The following MYH9 variants were observed in gnomAD, a reference collection of about 807,000 sequenced individuals.
The protein encoded by MYH9 is myosin heavy chain 9.
MYH9 carries 29 observed loss-of-function variants against 241.9 expected under a neutral mutation model. The ratio of observed to expected loss-of-function variants is 0.12; its 90% CI spans 0.09 to 0.16. The LOEUF (loss-of-function observed/expected upper bound fraction) is 0.16. MYH9 is among the 10% of genes least tolerant of loss of function. MYH9 has a pLI of 1.00. For synonymous variants in MYH9, 1,047 were observed against 1,062.6 expected (o/e 0.99, Z 0.29); for missense variants, 1,803 against 2,595.5 (o/e 0.69, Z 6.63).
intron 7 of MYH9, 95 bp downstream of exon 7, chr22:36,321,663 G>A: frequency 8.4e-7 from 1 of 1,187,078 alleles, no homozygotes; most frequent in Non-Finnish European, 1.3e-6. Flanking sequence ...CCCATAAAGG[G>A]GAAAGTGCTG....
chr22:36,339,762 A>G (rs2017554365), intron 3 of MYH9, among the ~76,000 whole-genome samples: 1 of 152,218 alleles, frequency 6.6e-6, no homozygotes, highest in East Asian at 1.9e-4. Flanking sequence ...CTATCCATAC[A>G]AGATAGGAGA....
intron 1 of MYH9, among the ~76,000 whole-genome samples, chr22:36,354,049 T>C (rs1346455457): frequency 6.6e-6 from 1 of 152,056 alleles, no homozygotes; most frequent in African/African-American, 2.4e-5. Context: ...TACAGGCGTG[T>C]GCCACCACGC....
chr22:36,373,744 T>C (rs911774598), intron 1 of MYH9, among the ~76,000 whole-genome samples: 6 of 152,202 alleles, frequency 3.9e-5, no homozygotes, highest in African/African-American at 1.4e-4. Flanking sequence ...CTGGATACAT[T>C]TGCTGAATGA....
intron 1 of MYH9, among the ~76,000 whole-genome samples, chr22:36,360,769 AAT>A (rs1161802725): frequency 6.6e-6 from 1 of 152,054 alleles, no homozygotes; most frequent in African/African-American, 2.4e-5. Flanking sequence ...CCATCCCAGG[AAT>A]ATCCTGCAGG....
rs2016541463 is a variant in MYH9 at position 36,284,272 on chromosome 22, A to G, written c.5593-7T>C. On this transcript the variant is annotated splice_region_variant and splice_polypyrimidine_tract_variant and intron_variant, in intron 39 of 40. Transcript: ENST00000216181. ...GGGTAGATGCCTTGTCGGCCTGCGG[A>G]GATGGACGTGTGGCCCGTGGCCCCG... 16 of 1,608,852 alleles carry G rather than the reference A, an allele frequency of 9.9e-6. No individual in the cohort carries two copies. Among genetic ancestry groups the G allele is most frequent in the Non-Finnish European group, 1.3e-5 (15 of 1,179,014 alleles).
At chr22:36,307,755 G>A (rs1373180725) in intron 15 of MYH9, among the ~76,000 whole-genome samples, 10 of 152,126 alleles carry the variant, frequency 6.6e-5, no homozygotes, top group African/African-American at 2.4e-4. Context: ...GGGCGTGGTG[G>A]CGGGTGCCTG....
rs56134611 is a variant in MYH9, at chr22:36,282,587, G to A, written c.*81C>T. Reference sequence around the variant, plus strand: ...GTTCACAGCAGTCCCAAGAAGGTGGGGAGAGGCGTGCTGCGGGGTCTGGGA... The same window carrying A: ...GTTCACAGCAGTCCCAAGAAGGTGGAGAGAGGCGTGCTGCGGGGTCTGGGA... On this transcript the variant is annotated 3_prime_UTR_variant, in exon 41 of 41. Coordinates refer to ENST00000216181, the MANE Select transcript of MYH9 (RefSeq NM_002473.6). 6,734 of 1,277,640 alleles carry A rather than the reference G, an allele frequency of 5.3e-3. 61 individuals carry two copies. The highest frequency in any genetic ancestry group is 5.1e-3 in the Non-Finnish European group (4,521 of 880,024). 79.1% of individuals were successfully genotyped at this position (1,277,640 alleles called of 1,614,324 possible).
rs2016574861 is a variant in MYH9 at position 36,286,031 on chromosome 22, C to T, written c.5062-78G>A. On this transcript the variant is annotated intron_variant, in intron 35 of 40. Transcript: ENST00000216181. ...CATCCTTCCCAGCCCCAGGCACCCT[C>T]CCCTCAAGCCCTTCCCCAGGCCCAC... The T allele has an allele frequency of 3.3e-6, 5 of 1,513,716 alleles. No homozygotes were observed. The Admixed American group carries it at 8.6e-5, about 26-fold the overall frequency. The allele number at this position is 1,513,716 out of a possible 1,614,324, so 93.8% of individuals were successfully genotyped here.
intron 1 of MYH9, among the ~76,000 whole-genome samples, chr22:36,374,483 A>G (rs2018136230): frequency 6.6e-6 from 1 of 152,186 alleles, no homozygotes; most frequent in Non-Finnish European, 1.5e-5. Flanking sequence ...TTGTGACAGT[A>G]CACTCCAGCC....
At chr22:36,311,484 T>A (rs923742337) in intron 14 of MYH9, among the ~76,000 whole-genome samples, 7 of 152,052 alleles carry the variant, frequency 4.6e-5, no homozygotes, top group African/African-American at 1.4e-4. Flanking sequence ...GTAAACATCC[T>A]AGCATGCACA....
At chr22:36,294,391 G>C in intron 27 of MYH9, 93 bp from the exon 28 acceptor site, 2 of 1,384,814 alleles carry the variant, frequency 1.4e-6, no homozygotes, top group Non-Finnish European at 2.0e-6. Flanking sequence ...AGACATCGCT[G>C]CTTCTGCAGC....
At position 36,289,105 on chromosome 22, in the gene MYH9, T is replaced by C; in HGVS notation, c.4537A>G (p.Lys1513Glu). ...CTCACACTCTTGCCCACATCATCCT[T>C]GGAGCTCATAAGGTCCTCCATCTCC... Reference protein sequence around the residue: ...RTEMEDLMSSKDDVGKSVHEL... With the variant: ...RTEMEDLMSSEDDVGKSVHEL... The change falls in exon 32 of 41, where the codon AAG (lysine) becomes GAG (glutamate). Residue 1513 changes from lysine to glutamate, a missense_variant. Lys to Glu is a moderately conservative substitution (Grantham distance 56). Coordinates refer to ENST00000216181, the MANE Select transcript of MYH9 (RefSeq NM_002473.6). 6.2e-7 allele frequency: 1 copy of C among 1,614,096 alleles called. No homozygotes were observed. Among genetic ancestry groups the C allele is most frequent in the Non-Finnish European group, 8.5e-7 (1 of 1,180,014 alleles).
At chr22:36,283,570 C>T (rs1014202963) in intron 40 of MYH9, among the ~76,000 whole-genome samples, 2 of 149,896 alleles carry the variant, frequency 1.3e-5, no homozygotes, top group Admixed American at 6.6e-5. Flanking sequence ...AAAAAAAACA[C>T]GTAAACACAT....
At chr22:36,286,106 G>A (rs2016575820) in intron 35 of MYH9, 153 bp from the exon 36 acceptor site, 4 of 760,374 alleles carry the variant, frequency 5.3e-6, no homozygotes, top group East Asian at 2.7e-5. Context: ...CAGGGCTGGT[G>A]CCCCCCTGAA....
chr22:36,387,400 G>C (rs1031221143), intron 1 of MYH9, among the ~76,000 whole-genome samples: 3 of 152,208 alleles, frequency 2.0e-5, no homozygotes, highest in Non-Finnish European at 4.4e-5. Context: ...CTGCGTCCCA[G>C]GGGCCGCGGC....
chr22:36,325,043 G>T, intron 5 of MYH9: 1 of 764,698 alleles, frequency 1.3e-6, no homozygotes, highest in East Asian at 2.4e-5. Flanking sequence ...CTTGGGAAAT[G>T]GATTTTACTG....
intron 14 of MYH9, among the ~76,000 whole-genome samples, chr22:36,310,433 T>G (rs528939660): frequency 6.6e-6 from 1 of 152,324 alleles, no homozygotes; most frequent in South Asian, 2.1e-4. Context: ...GAACAAGTAA[T>G]ACAGCATGAC....
chr22:36,343,358 A>C (rs1037882430), intron 2 of MYH9, among the ~76,000 whole-genome samples: 1 of 152,112 alleles, frequency 6.6e-6, no homozygotes, highest in Non-Finnish European at 1.5e-5. Context: ...CAAAAAAGCA[A>C]GTTTCCATCA....
chr22:36,328,148 T>C (rs1212637971), intron 3 of MYH9, among the ~76,000 whole-genome samples: 2 of 152,228 alleles, frequency 1.3e-5, no homozygotes, highest in Admixed American at 6.5e-5. Context: ...GATGTCACTT[T>C]AGAGGCAGCT....
Sources: gnomAD v4.1 joint callset for allele counts (sites outside exome capture counted in the v4.1 genomes callset) on GRCh38, gnomAD v4.1.1 for gene constraint, MANE v1.5 for transcripts, NCBI Gene and HGNC (gene_info 2026-07-23, HGNC 2026-07-21) for gene names.